PAM: variants seen among roughly 807,000 people sequenced by gnomAD.
PAM encodes peptidylglycine alpha-amidating monooxygenase.
PAM carries 72 observed loss-of-function variants against 122.1 expected under a neutral mutation model. The observed-to-expected ratio is 0.59, with a 90% CI of 0.49 to 0.72. PAM has a LOEUF of 0.72. PAM is among the 30% of genes least tolerant of loss of function. PAM has a pLI of 0.00. For missense variants in PAM, 1,106 were observed against 1,183.7 expected (o/e 0.93, Z 0.96); for synonymous variants, 389 against 404.4 (o/e 0.96, Z 0.46).
chr5:102,992,454 G>C (rs1774399902), intron 16 of PAM, among the ~76,000 whole-genome samples: 1 of 151,994 alleles, frequency 6.6e-6, no homozygotes, highest in Non-Finnish European at 1.5e-5. Flanking sequence ...TCAGCTCTCT[G>C]AGTAGAATTA....
intron 14 of PAM, among the ~76,000 whole-genome samples, chr5:102,966,127 G>T (rs1764006859): frequency 6.6e-6 from 1 of 151,984 alleles, no homozygotes; most frequent in Non-Finnish European, 1.5e-5. Context: ...AGAAGATACA[G>T]TTTTTGTTTG....
chr5:102,784,349 C>T (rs1250717208), intron 1 of PAM, among the ~76,000 whole-genome samples: 4 of 152,262 alleles, frequency 2.6e-5, no homozygotes, highest in East Asian at 3.9e-4. Context: ...GGCTAGAATG[C>T]GCTTTTCAGT....
chr5:102,867,439 T>C, intron 3 of PAM, 46 bp downstream of exon 3: 1 of 1,479,054 alleles, frequency 6.8e-7, no homozygotes, highest in East Asian at 2.3e-5. Context: ...CTGGATACAA[T>C]CTATAATTAA....
At chr5:102,924,813 G>T (rs1748849959) in intron 5 of PAM, 144 bp from the exon 6 acceptor site, 2 of 566,136 alleles carry the variant, frequency 3.5e-6, no homozygotes, top group East Asian at 2.8e-5. Context: ...TCTTTATTCG[G>T]ATCTTAAAGC....
At chr5:102,918,541 TA>T (rs1746279513) in intron 5 of PAM, among the ~76,000 whole-genome samples, 1 of 152,116 alleles carries the variant, frequency 6.6e-6, no homozygotes, top group African/African-American at 2.4e-5. Context: ...TAAATTTACT[TA>T]AATAGTAAAT....
rs905821266 is a variant in PAM, at chr5:102,757,099, G to A, written c.-374+1751G>A. ...TCCCAGCACTTTGGGAGGCCGAGGC[G>A]GGCAAATCACAAGGTCAGAAGTTCC... is the stretch of plus-strand genomic sequence containing the variant. On this transcript the variant is annotated intron_variant, in intron 1 of 25. Coordinates refer to ENST00000438793, the MANE Select transcript of PAM (RefSeq NM_001177306.2). Among the ~76,000 whole-genome samples, 7 of 152,226 alleles carry A rather than the reference G, an allele frequency of 4.6e-5. No homozygotes were observed. The South Asian group carries it at 1.2e-3, about 27-fold the overall frequency.
At chr5:102,906,380 T>C (rs1476058859) in intron 4 of PAM, among the ~76,000 whole-genome samples, 1 of 151,608 alleles carries the variant, frequency 6.6e-6, no homozygotes, top group Non-Finnish European at 1.5e-5. Flanking sequence ...AACTTCATGA[T>C]AAAGGTATGC....
chr5:102,985,405 TAAAG>T (rs1041415424), intron 15 of PAM, among the ~76,000 whole-genome samples: 1 of 151,824 alleles, frequency 6.6e-6, no homozygotes, highest in African/African-American at 2.4e-5. Context: ...CACAGAAATA[TAAAG>T]AATCATTAGA....
rs755953225 is a variant in PAM, at chr5:103,007,706, C to A, written c.2215+49C>A. On this transcript the variant is annotated intron_variant, in intron 20 of 25. Transcript: ENST00000438793. ...TGTCTTCTGTCCTACTGTACTCTAT[C>A]CTTAAAAATTGTGTTATCTTAATGT... 5 of 1,200,752 alleles carry A rather than the reference C, an allele frequency of 4.2e-6. No individual in the cohort carries two copies. In the East Asian group the frequency reaches 9.4e-5, roughly 22 times the overall value. 74.4% of individuals were successfully genotyped at this position (1,200,752 alleles called of 1,614,324 possible). A position where few individuals can be genotyped will look rare whatever the true frequency, so the allele number is the denominator to read the frequency against.
Position 102,962,540 on chromosome 5 carries a change from C to T in PAM, c.1162+1311C>T, listed in dbSNP as rs368047254. Among the ~76,000 whole-genome samples, 36 of 151,722 alleles carry T rather than the reference C, an allele frequency of 2.4e-4. No individual in the cohort carries two copies. In the South Asian group the frequency reaches 7.3e-3, roughly 31 times the overall value. The stretch of plus-strand genomic sequence containing the variant: ...AAATAACAACATATATGAAACAATA[C>T]GGAATGAGATACCACCATTTAATAG... On this transcript the variant is annotated intron_variant, in intron 14 of 25. Transcript: ENST00000438793.
intron 1 of PAM, among the ~76,000 whole-genome samples, chr5:102,850,363 C>A (rs1421679049): frequency 6.6e-6 from 1 of 152,200 alleles, no homozygotes; most frequent in Non-Finnish European, 1.5e-5. Flanking sequence ...TCTTCATAAA[C>A]CCCCATCCTG....
At chr5:102,760,803 A>T (rs1752090210) in intron 1 of PAM, among the ~76,000 whole-genome samples, 1 of 152,216 alleles carries the variant, frequency 6.6e-6, no homozygotes, top group South Asian at 2.1e-4. Context: ...TGTTTGGATA[A>T]CCTATACAGT....
chr5:102,806,011 G>C lies in PAM; in HGVS notation c.-374+50663G>C, dbSNP rs538822240. ...CATAGTGTTAGAGACCTCTTGGTTT[G>C]GTCTTATTTTCGGATGTGCTCTTTT... is the stretch of plus-strand genomic sequence containing the variant. On this transcript the variant is annotated intron_variant, in intron 1 of 25. Transcript: ENST00000438793. Among the ~76,000 whole-genome samples the C allele has an allele frequency of 3.3e-5, 5 of 152,050 alleles. No homozygotes were observed. The South Asian group carries it at 1.0e-3, about 32-fold the overall frequency.
chr5:102,895,114 AC>A (rs758065708), intron 3 of PAM, among the ~76,000 whole-genome samples: 255 of 151,908 alleles, frequency 1.7e-3, no homozygotes, highest in Middle Eastern at 3.4e-3. Flanking sequence ...CCAATTTAAA[AC>A]ATGTTCCTCT....
intron 3 of PAM, among the ~76,000 whole-genome samples, chr5:102,868,088 A>G (rs748317880): frequency 6.6e-6 from 1 of 152,188 alleles, no homozygotes; most frequent in Non-Finnish European, 1.5e-5. Context: ...AAGCATAAAA[A>G]GGCCAGAATT....
chr5:102,822,640 A>G (rs1772342966), intron 1 of PAM, among the ~76,000 whole-genome samples: 1 of 152,142 alleles, frequency 6.6e-6, no homozygotes, highest in African/African-American at 2.4e-5. Flanking sequence ...TGGTGTTATT[A>G]AAACAGACCC....
intron 16 of PAM, among the ~76,000 whole-genome samples, chr5:102,999,584 TCCTCC>T (rs1433032075): frequency 6.6e-6 from 1 of 152,190 alleles, no homozygotes; most frequent in Non-Finnish European, 1.5e-5. Context: ...TAGTGAGGGT[TCCTCC>T]CCTGCAGAAA....
In PAM at chr5:102,767,143, C is replaced by G. The variant is rs796726586; in HGVS notation, c.-374+11795C>G. Among the ~76,000 whole-genome samples the G allele has an allele frequency of 4.0e-5, 6 of 150,532 alleles. 1 individual carries two copies. The highest frequency in any genetic ancestry group is 1.2e-4 in the African/African-American group (5 of 41,052). On this transcript the variant is annotated intron_variant, in intron 1 of 25. Transcript: ENST00000438793. Reference sequence around the variant, plus strand: ...GTTTTTATCTTATTAAATGCCCTAGCCTTTGGTTATAAAAATTTACTTTTC... The same window carrying G: ...GTTTTTATCTTATTAAATGCCCTAGGCTTTGGTTATAAAAATTTACTTTTC...
intron 14 of PAM, among the ~76,000 whole-genome samples, chr5:102,969,018 C>T (rs1412768897): frequency 2.6e-5 from 4 of 151,752 alleles, no homozygotes; most frequent in African/African-American, 9.7e-5. Flanking sequence ...TGTTCTCACT[C>T]ATAAGTGGGA....
Sources: gnomAD v4.1 joint callset for allele counts (sites outside exome capture counted in the v4.1 genomes callset) on GRCh38, gnomAD v4.1.1 for gene constraint, MANE v1.5 for transcripts, NCBI Gene and HGNC (gene_info 2026-07-23, HGNC 2026-07-21) for gene names.